Variants in MSI2 observed in about 807,000 individuals in gnomAD.
The protein encoded by MSI2 is musashi RNA binding protein 2, also known as RNA-binding protein Musashi homolog 2.
Under a neutral mutation model 45.6 loss-of-function variants are expected in MSI2, and 17 were observed. That is an observed-to-expected ratio of 0.37 (90% CI 0.26 to 0.56). The LOEUF is 0.56. MSI2 is among the 20% of genes least tolerant of loss of function. MSI2 has a pLI of 0.77. For synonymous variants in MSI2, 156 were observed against 158.2 expected (o/e 0.99, Z 0.11); for missense variants, 293 against 444.2 (o/e 0.66, Z 3.06).
intron 6 of MSI2, among the ~76,000 whole-genome samples, chr17:57,423,750 G>A (rs1370669826): frequency 1.3e-5 from 2 of 152,050 alleles, no homozygotes; most frequent in African/African-American, 4.8e-5. Flanking sequence ...GTTTTGCATG[G>A]GTTCTTCACT....
intron 11 of MSI2, among the ~76,000 whole-genome samples, chr17:57,653,923 T>A (rs1488495593): frequency 1.4e-5 from 2 of 139,922 alleles, no homozygotes; most frequent in East Asian, 4.1e-4. Flanking sequence ...CCCAAGGTCA[T>A]CTCCAGTCAC....
chr17:57,346,627 T>C (rs1915635323), intron 5 of MSI2, among the ~76,000 whole-genome samples: 1 of 152,188 alleles, frequency 6.6e-6, no homozygotes, highest in Non-Finnish European at 1.5e-5. Flanking sequence ...TTTTCTTTTT[T>C]TTAGACAGGG....
intron 6 of MSI2, among the ~76,000 whole-genome samples, chr17:57,410,669 A>G (rs980064188): frequency 7.0e-6 from 1 of 143,384 alleles, no homozygotes; most frequent in African/African-American, 2.7e-5. Flanking sequence ...GTTATAGAAG[A>G]TGTAATTTGT....
At chr17:57,327,268 C>G (rs372439402) in intron 5 of MSI2, among the ~76,000 whole-genome samples, 1 of 152,258 alleles carries the variant, frequency 6.6e-6, no homozygotes, top group African/African-American at 2.4e-5. Flanking sequence ...AGGGACACCC[C>G]ATCTCTAAAA....
In MSI2 at chr17:57,502,636, T is replaced by TATATATATATATATATATATATAG; in HGVS notation, c.406-27039_406-27038insTATATATATATATATATATATAGA. On this transcript the variant is annotated intron_variant, in intron 6 of 13. Coordinates refer to ENST00000284073, the MANE Select transcript of MSI2 (RefSeq NM_138962.4). ...ATATATATATATATATATATATATATAGTCATCATTCTGTCATGCAGGAAG... is the reference window on the plus strand; with the variant it reads ...ATATATATATATATATATATATATATATATATATATATATATATATATAGAGTCATCATTCTGTCATGCAGGAAG... Among the ~76,000 whole-genome samples the TATATATATATATATATATATATAG allele has an allele frequency of 1.8e-3, 170 of 96,726 alleles. 2 individuals carry two copies. The highest frequency in any genetic ancestry group is 2.3e-3 in the Non-Finnish European group (108 of 46,394). The allele number at this position is 96,726 out of a possible 152,430, so 63.5% of individuals were successfully genotyped here. A position where few individuals can be genotyped will look rare whatever the true frequency, so the allele number is the denominator to read the frequency against.
chr17:57,557,120 A>G (rs1156813320), intron 7 of MSI2, among the ~76,000 whole-genome samples: 13 of 152,190 alleles, frequency 8.5e-5, no homozygotes, highest in Admixed American at 8.5e-4. Flanking sequence ...TGAGGAGTGA[A>G]CAGACTGAGG....
chr17:57,374,275 G>C (rs1357745459), intron 5 of MSI2, among the ~76,000 whole-genome samples: 1 of 152,216 alleles, frequency 6.6e-6, no homozygotes, highest in African/African-American at 2.4e-5. Context: ...TAAGTGGTAT[G>C]TGGTAGTTTA....
At chr17:57,326,939 G>A (rs1913846046) in intron 5 of MSI2, among the ~76,000 whole-genome samples, 1 of 152,204 alleles carries the variant, frequency 6.6e-6, no homozygotes, top group Non-Finnish European at 1.5e-5. Context: ...CTGCTCATCT[G>A]AGAGTGTTTT....
intron 6 of MSI2, among the ~76,000 whole-genome samples, chr17:57,452,017 G>A (rs1598285869): frequency 1.3e-5 from 2 of 152,164 alleles, no homozygotes; most frequent in East Asian, 3.9e-4. Context: ...GTTCTCAGGG[G>A]GGATGTCCTC....
At chr17:57,537,095 T>C (rs916734015) in intron 7 of MSI2, among the ~76,000 whole-genome samples, 2 of 152,036 alleles carry the variant, frequency 1.3e-5, no homozygotes, top group Non-Finnish European at 2.9e-5. Flanking sequence ...TGGAAAAGAG[T>C]TCTGTGTAGC....
At chr17:57,487,294 G>A (rs1301706361) in intron 6 of MSI2, among the ~76,000 whole-genome samples, 1 of 152,224 alleles carries the variant, frequency 6.6e-6, no homozygotes, top group East Asian at 1.9e-4. Flanking sequence ...ACACAGGTGA[G>A]TGGCCTGTTC....
At chr17:57,262,084 G>C in intron 4 of MSI2, 67 bp from the exon 5 acceptor site, 2 of 1,445,370 alleles carry the variant, frequency 1.4e-6, no homozygotes, top group Non-Finnish European at 1.9e-6. Context: ...TAATAATTAG[G>C]TGATTAATCA....
intron 8 of MSI2, among the ~76,000 whole-genome samples, chr17:57,598,853 G>A (rs914656868): frequency 8.5e-5 from 13 of 152,150 alleles, no homozygotes; most frequent in African/African-American, 3.1e-4. Context: ...AGTAGAGACG[G>A]GGTTTCACCA....
chr17:57,497,049 C>T (rs1302212048), intron 6 of MSI2, among the ~76,000 whole-genome samples: 1 of 152,198 alleles, frequency 6.6e-6, no homozygotes, highest in Non-Finnish European at 1.5e-5. Flanking sequence ...GCAATCTCAG[C>T]TCACTGCAAC....
chr17:57,580,565 G>C (rs555227413), intron 7 of MSI2, among the ~76,000 whole-genome samples: 1 of 152,194 alleles, frequency 6.6e-6, no homozygotes, highest in African/African-American at 2.4e-5. Context: ...GGCTTCATTA[G>C]TAAGCGTGAA....
At chr17:57,495,789 G>A (rs1024846035) in intron 6 of MSI2, among the ~76,000 whole-genome samples, 2 of 152,264 alleles carry the variant, frequency 1.3e-5, no homozygotes, top group East Asian at 1.9e-4. Context: ...GCATCCCAGC[G>A]CCCTGAGTGA....
In MSI2 at chr17:57,462,474, C is replaced by T. The variant is rs111830878; in HGVS notation, c.405+61003C>T. On this transcript the variant is annotated intron_variant, in intron 6 of 13. Transcript: ENST00000284073. Reference sequence around the variant, plus strand: ...ACCTTGCAGCTTCTAGATTCCCCTGCCCTTCTCTGACAAAACTTTTCTTCT... The same window carrying T: ...ACCTTGCAGCTTCTAGATTCCCCTGTCCTTCTCTGACAAAACTTTTCTTCT... 1.8e-4 allele frequency among the ~76,000 whole-genome samples: 27 copies of T among 152,318 alleles called. 1 individual carries two copies. The East Asian group carries it at 4.8e-3, about 27-fold the overall frequency.
At chr17:57,540,666 A>G (rs1162217459) in intron 7 of MSI2, among the ~76,000 whole-genome samples, 1 of 152,204 alleles carries the variant, frequency 6.6e-6, no homozygotes, top group South Asian at 2.1e-4. Context: ...AGAGGCAGGG[A>G]CAGGGGCAGT....
intron 5 of MSI2, among the ~76,000 whole-genome samples, chr17:57,363,536 G>A (rs767480739): frequency 6.6e-6 from 1 of 152,176 alleles, no homozygotes; most frequent in Non-Finnish European, 1.5e-5. Context: ...TCAGGAGTTC[G>A]AGACCAGCAT....
Sources: gnomAD v4.1 joint callset for allele counts (sites outside exome capture counted in the v4.1 genomes callset) on GRCh38, gnomAD v4.1.1 for gene constraint, MANE v1.5 for transcripts, NCBI Gene and HGNC (gene_info 2026-07-23, HGNC 2026-07-21) for gene names.